The following PPP1R9A variants were observed in gnomAD, a reference collection of about 807,000 sequenced individuals.
PPP1R9A encodes the protein neurabin-1.
A neutral mutation model predicts 141.9 loss-of-function variants in PPP1R9A; 59 were observed. The observed-to-expected ratio is 0.42, with a 90% CI of 0.34 to 0.52. The LOEUF is 0.52. PPP1R9A is among the 20% of genes least tolerant of loss of function. The pLI, the probability that PPP1R9A is intolerant of heterozygous loss-of-function variation, is 0.10. For missense variants in PPP1R9A, 1,444 were observed against 1,611.9 expected, an observed-to-expected ratio of 0.90 and a Z score of 1.78; for synonymous variants, 500 against 569.7, an observed-to-expected ratio of 0.88 and a Z score of 1.74.
At chr7:95,034,571 T>C (rs1308106491) in intron 2 of PPP1R9A, among the ~76,000 whole-genome samples, 1 of 152,170 alleles carries the variant, frequency 6.6e-6, no homozygotes. Context: ...CCAGCTGGTC[T>C]CGAACTCCTG....
chr7:95,093,673 T>C (rs1734984569), intron 2 of PPP1R9A, among the ~76,000 whole-genome samples: 1 of 152,188 alleles, frequency 6.6e-6, no homozygotes, highest in South Asian at 2.1e-4. Flanking sequence ...GTCTACCATA[T>C]GATACAAAAA....
intron 2 of PPP1R9A, among the ~76,000 whole-genome samples, chr7:95,063,397 C>G (rs1812515179): frequency 6.6e-6 from 1 of 151,970 alleles, no homozygotes; most frequent in Admixed American, 6.6e-5. Context: ...GACCCCATCT[C>G]TACAAAACAT....
At chr7:94,973,389 T>A (rs77548778) in intron 2 of PPP1R9A, among the ~76,000 whole-genome samples, 1 of 152,180 alleles carries the variant, frequency 6.6e-6, no homozygotes, top group African/African-American at 2.4e-5. Context: ...AATGATGTCA[T>A]GTGTTGAGAA....
intron 2 of PPP1R9A, among the ~76,000 whole-genome samples, chr7:94,922,261 G>A (rs1792942787): frequency 6.6e-6 from 1 of 151,934 alleles, no homozygotes. Flanking sequence ...CATTGGAATA[G>A]TTTTCTCACA....
Position 95,198,484 on chromosome 7 carries a change from G to A in PPP1R9A, c.1890G>A (p.Glu630=). 1 of 1,555,704 alleles carries A rather than the reference G, an allele frequency of 6.4e-7. No homozygotes were observed. Among genetic ancestry groups the A allele is most frequent in the Non-Finnish European group, 8.7e-7 (1 of 1,152,758 alleles). The part of the protein sequence containing the change: ...HYAQYDADDD[E]NTVAELQGMS... ...CCCAGTATGATGCCGACGATGACGA[G>A]GTCAGTAGTGCTTGCAAAGATTCTT... Residue 630 remains glutamate (E), a splice_region_variant and synonymous_variant, in exon 6 of 20, where the codon GAG becomes GAA. Transcript: ENST00000433360.
chr7:95,192,610 G>A (rs1041345940), intron 5 of PPP1R9A, among the ~76,000 whole-genome samples: 1 of 151,914 alleles, frequency 6.6e-6, no homozygotes, highest in Non-Finnish European at 1.5e-5. Flanking sequence ...TATAATATTT[G>A]TTCTGGTTAG....
intron 2 of PPP1R9A, among the ~76,000 whole-genome samples, chr7:94,918,559 A>G (rs1490637975): frequency 1.3e-5 from 2 of 152,096 alleles, no homozygotes; most frequent in Non-Finnish European, 2.9e-5. Context: ...GTATATTCAC[A>G]GTGTTGTGCA....
Position 95,252,056 on chromosome 7 carries a change from G to A in PPP1R9A, c.2591G>A (p.Gly864Asp). 1 of 1,613,572 alleles carries A rather than the reference G, an allele frequency of 6.2e-7. No homozygotes were observed. Among genetic ancestry groups the A allele is most frequent in the Non-Finnish European group, 8.5e-7 (1 of 1,179,846 alleles). The change falls in exon 12 of 20, where the codon GGT (glycine) becomes GAT (aspartate). Residue 864 changes from glycine to aspartate, a missense_variant. Gly to Asp is a moderately conservative substitution (Grantham distance 94). Transcript: ENST00000433360. ...NNIFERRTSL[G>D]EVSKGDTMEN... ...ATCTTTGAGAGAAGAACATCTCTTG[G>A]TGAAGTCTCTAAAGGGGATACCATG...
chr7:95,265,533 T>C lies in PPP1R9A; in HGVS notation c.2666-3017T>C, dbSNP rs139186338. ...TAGTTACCCAGCAGCATAAATCTTA[T>C]ACACATTTTCCTTCCGTGTACACAC... On this transcript the variant is annotated intron_variant, in intron 12 of 19. Coordinates refer to ENST00000433360, the MANE Select transcript of PPP1R9A (RefSeq NM_001166160.2). Among the ~76,000 whole-genome samples, 12 of 152,344 alleles carry C rather than the reference T, an allele frequency of 7.9e-5. 1 individual carries two copies. The East Asian group carries it at 2.3e-3, about 29-fold the overall frequency.
rs766544557 is a variant in PPP1R9A at position 95,288,622 on chromosome 7, G to T, written c.3816G>T (p.Trp1272Cys). ...QEWSVQQVSH[W>C]LMSLNLEQYV... ...GGAGTGTGCAGCAGGTTTCTCACTG[G>T]TTAATGAGCCTAAATCTGGAGCAGT... Residue 1272 changes from tryptophan (W) to cysteine (C), a missense_variant, in exon 19 of 20, where the codon TGG (tryptophan) becomes TGT (cysteine). Trp to Cys is a radical substitution (Grantham distance 215, BLOSUM62 -2). Around this residue, in one of 5 missense-constraint regions of PPP1R9A, gnomAD observed 459 missense variants for 513.8 expected, o/e 0.89. Transcript: ENST00000433360. 4 of 1,613,970 alleles carry T rather than the reference G, an allele frequency of 2.5e-6. No individual in the cohort carries two copies. The East Asian group carries it at 8.9e-5, about 36-fold the overall frequency.
At chr7:95,290,045 G>T in intron 19 of PPP1R9A, 46 bp from the exon 20 acceptor site, 1 of 1,605,100 alleles carries the variant, frequency 6.2e-7, no homozygotes, top group Non-Finnish European at 8.5e-7. Context: ...CCATCAGAGG[G>T]CTCATTGGTT....
At chr7:95,056,580 T>C (rs1424088474) in intron 2 of PPP1R9A, among the ~76,000 whole-genome samples, 1 of 152,142 alleles carries the variant, frequency 6.6e-6, no homozygotes, top group Non-Finnish European at 1.5e-5. Flanking sequence ...ATATGAGTTT[T>C]TCCCCTGCCA....
intron 2 of PPP1R9A, among the ~76,000 whole-genome samples, chr7:95,087,986 T>C (rs1176798512): frequency 6.6e-6 from 1 of 151,702 alleles, no homozygotes; most frequent in Non-Finnish European, 1.5e-5. Context: ...TTTCTGGAGA[T>C]ACCAGTAAGA....
At chr7:95,032,247 T>C (rs973979168) in intron 2 of PPP1R9A, among the ~76,000 whole-genome samples, 6 of 152,188 alleles carry the variant, frequency 3.9e-5, no homozygotes, top group African/African-American at 1.4e-4. Flanking sequence ...CATAAAATTA[T>C]GGTGAGAGTT....
chr7:95,053,794 T>G (rs1165368429), intron 2 of PPP1R9A, among the ~76,000 whole-genome samples: 1 of 152,138 alleles, frequency 6.6e-6, no homozygotes, highest in African/African-American at 2.4e-5. Context: ...CTCACCAAAC[T>G]TTGGTCTATT....
intron 2 of PPP1R9A, among the ~76,000 whole-genome samples, chr7:94,963,385 A>G (rs1797851142): frequency 2.0e-5 from 3 of 152,272 alleles, no homozygotes; most frequent in South Asian, 4.1e-4. Flanking sequence ...TTCACATACC[A>G]TAAAATTTTT....
chr7:95,114,975 T>TA (rs1272491736), intron 3 of PPP1R9A, among the ~76,000 whole-genome samples: 10 of 147,168 alleles, frequency 6.8e-5, no homozygotes, highest in African/African-American at 2.5e-4. Flanking sequence ...TTCTTTAAAA[T>TA]AAAAAACTTG....
chr7:95,029,636 A>G (rs1462802559), intron 2 of PPP1R9A, among the ~76,000 whole-genome samples: 1 of 152,230 alleles, frequency 6.6e-6, no homozygotes, highest in East Asian at 1.9e-4. Context: ...GTAAAGAACT[A>G]TTAGGGATAG....
chr7:95,110,560 A>G (rs1820376574), intron 2 of PPP1R9A, among the ~76,000 whole-genome samples: 1 of 152,236 alleles, frequency 6.6e-6, no homozygotes, highest in Admixed American at 6.5e-5. Flanking sequence ...ACATTTCAGC[A>G]GAAATAAGGA....
Sources: allele counts gnomAD v4.1 joint callset (sites outside exome capture counted in the v4.1 genomes callset), GRCh38; gene constraint gnomAD v4.1.1; regional missense constraint gnomAD v4.1.1; transcripts MANE v1.5; gene names NCBI Gene and HGNC (gene_info 2026-07-23, HGNC 2026-07-21).